The following CFAP251 variants were observed in gnomAD, a reference collection of about 807,000 sequenced individuals.
The protein encoded by CFAP251 is cilia- and flagella-associated protein 251.
In CFAP251, 93 loss-of-function variants were observed where a neutral mutation model predicts 126.7. The observed-to-expected ratio is 0.73, with a 90% CI of 0.62 to 0.87. CFAP251 has a LOEUF of 0.87. Ranked by LOEUF, CFAP251 falls within the 40% of genes least tolerant of loss-of-function variation. The pLI, the probability that CFAP251 is intolerant of heterozygous loss-of-function variation, is 0.00. For missense variants in CFAP251, 1,287 were observed against 1,389.2 expected (o/e 0.93, Z 1.17); for synonymous variants, 503 against 506.9 (o/e 0.99, Z 0.10).
rs1312952747 is a variant in CFAP251 at position 121,918,885 on chromosome 12, C to T, written c.-21+190C>T. ...GGGCTTTAATCCCCTCGCAGAGCCA[C>T]GCACCTGGCACCCCTGCCCCAAACC... On this transcript the variant is annotated intron_variant, in intron 1 of 21. Coordinates refer to ENST00000288912, the MANE Select transcript of CFAP251 (RefSeq NM_144668.6). The surrounding 1 kb of genome is among the most constrained non-coding windows in gnomAD (Gnocchi z 4.3). 6.6e-6 allele frequency among the ~76,000 whole-genome samples: 1 copy of T among 152,154 alleles called. No homozygotes were observed. The highest frequency in any genetic ancestry group is 1.5e-5 in the Non-Finnish European group (1 of 68,028).
chr12:121,945,274 C>T (rs1224639006), intron 7 of CFAP251, among the ~76,000 whole-genome samples: 1 of 152,214 alleles, frequency 6.6e-6, no homozygotes, highest in Non-Finnish European at 1.5e-5. Flanking sequence ...TCGCTTCACT[C>T]TCTAACAGTC....
At chr12:121,996,481 GTTTC>G (rs1014455808) in intron 19 of CFAP251, among the ~76,000 whole-genome samples, 29 of 152,156 alleles carry the variant, frequency 1.9e-4, no homozygotes, top group African/African-American at 7.0e-4. Context: ...AGTTTTGTTT[GTTTC>G]TTTATTTATT....
At chr12:121,979,737 G>C (rs1278536114) in intron 19 of CFAP251, among the ~76,000 whole-genome samples, 1 of 151,634 alleles carries the variant, frequency 6.6e-6, no homozygotes, top group East Asian at 1.9e-4. Context: ...GCTAATTTTT[G>C]TATTTTTTAG....
chr12:121,930,494 A>G (rs1405136659), intron 3 of CFAP251, among the ~76,000 whole-genome samples: 1 of 152,052 alleles, frequency 6.6e-6, no homozygotes, highest in Non-Finnish European at 1.5e-5. Context: ...CCCTCCTCCA[A>G]AAAAAACAAA....
chr12:121,942,624 C>G lies in CFAP251; in HGVS notation c.1089C>G (p.Thr363=). Residue 363 remains threonine, a synonymous_variant, in exon 6 of 22, where the codon ACC becomes ACG. Coordinates refer to ENST00000288912, the MANE Select transcript of CFAP251 (RefSeq NM_144668.6). ...AMTHDAKYLA[T]ISDAEVQKVC... ...CCCACGACGCCAAGTATCTGGCAAC[C>G]ATCTCAGATGCTGAAGTCCAGGTAA... 2 of 1,612,924 alleles carry G rather than the reference C, an allele frequency of 1.2e-6. No individual in the cohort carries two copies. Among genetic ancestry groups the G allele is most frequent in the Non-Finnish European group, 1.7e-6 (2 of 1,179,962 alleles).
At chr12:121,990,789 G>A (rs543012829) in intron 19 of CFAP251, among the ~76,000 whole-genome samples, 1 of 152,340 alleles carries the variant, frequency 6.6e-6, no homozygotes, top group South Asian at 2.1e-4. Flanking sequence ...ACCTAGGGGT[G>A]GAGTCTAAGC....
At chr12:122,002,201 G>A (rs775535297) in intron 21 of CFAP251, among the ~76,000 whole-genome samples, 5 of 151,830 alleles carry the variant, frequency 3.3e-5, no homozygotes, top group Admixed American at 1.3e-4. Context: ...CTAAAAATAC[G>A]AAAATTAGCC....
chr12:121,942,533 G>A lies in CFAP251; in HGVS notation c.999-1G>A, dbSNP rs1409672013. ...GTCGCCCCCCTTGTCCTGTTTTGCA[G>A]TATTCCTGTGCACACAATATTTGAC... is the stretch of plus-strand genomic sequence containing the variant. On this transcript the variant is annotated splice_acceptor_variant, in intron 5 of 21. Coordinates refer to ENST00000288912, the MANE Select transcript of CFAP251 (RefSeq NM_144668.6). LOFTEE classifies it high-confidence loss of function. 3.7e-6 allele frequency: 6 copies of A among 1,611,312 alleles called. No homozygotes were observed. The highest frequency in any genetic ancestry group is 5.1e-6 in the Non-Finnish European group (6 of 1,178,026).
intron 18 of CFAP251, 32 bp downstream of exon 18, chr12:121,975,366 A>G (rs772499260): frequency 3.1e-6 from 5 of 1,600,724 alleles, no homozygotes; most frequent in Non-Finnish European, 8.6e-7. Context: ...ACCTCCTGGT[A>G]ACATCTAGTT....
intron 19 of CFAP251, among the ~76,000 whole-genome samples, chr12:121,988,798 C>T (rs1430651385): frequency 3.3e-5 from 5 of 149,264 alleles, no homozygotes; most frequent in Middle Eastern, 3.4e-3. Flanking sequence ...TGCAATGGCG[C>T]GATCTCGGCT....
chr12:121,985,027 CAGTG>C (rs1244386806), intron 19 of CFAP251, among the ~76,000 whole-genome samples: 1 of 152,146 alleles, frequency 6.6e-6, no homozygotes. Context: ...ACAGCAGAGA[CAGTG>C]AGGAAGACAC....
At position 121,967,074 on chromosome 12, in the gene CFAP251, C is replaced by T; in HGVS notation, c.2607+5C>T. 2 of 1,611,878 alleles carry T rather than the reference C, an allele frequency of 1.2e-6. No individual in the cohort carries two copies. Among genetic ancestry groups the T allele is most frequent in the Non-Finnish European group, 1.7e-6 (2 of 1,177,936 alleles). On this transcript the variant is annotated splice_donor_5th_base_variant and intron_variant, in intron 16 of 21. Transcript: ENST00000288912. ...GTGTTTATTAACAGAGACAAGGTAACAGCGCTCTCTTCTCCAGTTCTGGGA... is the reference window on the plus strand; with the variant it reads ...GTGTTTATTAACAGAGACAAGGTAATAGCGCTCTCTTCTCCAGTTCTGGGA...
At chr12:121,968,932 A>G in intron 17 of CFAP251, 1 of 985,434 alleles carries the variant, frequency 1.0e-6, no homozygotes, top group Non-Finnish European at 1.2e-6. Flanking sequence ...AGAGGGGACA[A>G]GCACCCACAC....
chr12:121,946,068 C>T (rs1881317077), intron 7 of CFAP251, among the ~76,000 whole-genome samples: 1 of 152,180 alleles, frequency 6.6e-6, no homozygotes, highest in South Asian at 2.1e-4. Flanking sequence ...GACATGTGGC[C>T]TCCAAGGTGT....
chr12:121,928,674 ATATATATATATATACG>A (rs1880543084), intron 3 of CFAP251, among the ~76,000 whole-genome samples: 2 of 17,794 alleles, frequency 1.1e-4, no homozygotes, highest in African/African-American at 1.3e-3. Context: ...ATATACGTAT[ATATATATATATATACG>A]TATATATATA....
chr12:121,961,859 C>T, intron 14 of CFAP251, 119 bp from the exon 15 acceptor site: 2 of 1,052,850 alleles, frequency 1.9e-6, no homozygotes, highest in East Asian at 2.4e-5. Context: ...TACCGTCTCC[C>T]CCAGAACAGC....
At chr12:121,985,645 G>A (rs965752227) in intron 19 of CFAP251, among the ~76,000 whole-genome samples, 1 of 150,880 alleles carries the variant, frequency 6.6e-6, no homozygotes, top group Non-Finnish European at 1.5e-5. Context: ...TATAAATATT[G>A]AGATGGAGTC....
intron 3 of CFAP251, among the ~76,000 whole-genome samples, chr12:121,925,570 T>C (rs1256369290): frequency 6.6e-6 from 1 of 152,190 alleles, no homozygotes; most frequent in Non-Finnish European, 1.5e-5. Flanking sequence ...TGTGACAGCC[T>C]CTCTCCCACA....
chr12:121,939,223 G>C (rs1881009793), intron 5 of CFAP251, among the ~76,000 whole-genome samples: 1 of 152,084 alleles, frequency 6.6e-6, no homozygotes, highest in Non-Finnish European at 1.5e-5. Context: ...AAACCCTTTA[G>C]AGACTGTCCA....
Sources: allele counts gnomAD v4.1 joint callset (sites outside exome capture counted in the v4.1 genomes callset), GRCh38; gene constraint gnomAD v4.1.1; non-coding constraint Gnocchi (gnomAD v3.1); transcripts MANE v1.5; gene names NCBI Gene and HGNC (gene_info 2026-07-23, HGNC 2026-07-21).